The following ATP8B4 variants were observed in gnomAD, a reference collection of about 807,000 sequenced individuals.
The protein encoded by ATP8B4 is probable phospholipid-transporting ATPase IM.
In ATP8B4, 133 loss-of-function variants were observed where a neutral mutation model predicts 145.6. The ratio of observed to expected loss-of-function variants is 0.91; its 90% CI spans 0.79 to 1.05. The LOEUF is 1.05. ATP8B4 is among the 50% of genes least tolerant of loss of function. The probability of loss-of-function intolerance (pLI) is 0.00; values close to 1 mark genes in which losing one functional copy is unlikely to be tolerated. For synonymous variants in ATP8B4, 507 were observed against 492.9 expected (o/e 1.03, Z -0.38); for missense variants, 1,458 against 1,425.2 (o/e 1.02, Z -0.37).
intron 3 of ATP8B4, among the ~76,000 whole-genome samples, chr15:50,062,756 CTCATA>C (rs1353653778): frequency 1.3e-5 from 2 of 152,068 alleles, no homozygotes; most frequent in African/African-American, 4.8e-5. Flanking sequence ...TATTAATTTT[CTCATA>C]TCAGAGTACA....
upstream of ATP8B4, among the ~76,000 whole-genome samples, chr15:50,121,080 CAGA>C (rs2057265334): frequency 6.6e-6 from 1 of 152,082 alleles, no homozygotes. Context: ...GATCAAGTTG[CAGA>C]AGAATTGTGT....
chr15:50,129,283 A>G (rs543235101), intron 1 of ATP8B4, among the ~76,000 whole-genome samples: 1 of 152,292 alleles, frequency 6.6e-6, no homozygotes, highest in East Asian at 1.9e-4. Flanking sequence ...GGGTGGCTTA[A>G]AACAAGGGAA....
Position 50,030,513 on chromosome 15 carries a change from G to A in ATP8B4, c.362+8255C>T, listed in dbSNP as rs1347134075. Among the ~76,000 whole-genome samples, 7 of 152,086 alleles carry A rather than the reference G, an allele frequency of 4.6e-5. 1 individual carries two copies. The highest frequency in any genetic ancestry group is 4.6e-4 in the Admixed American group (7 of 15,268). On this transcript the variant is annotated intron_variant, in intron 6 of 27. Coordinates refer to ENST00000284509, the MANE Select transcript of ATP8B4 (RefSeq NM_024837.4). ...CCAGCTACACTGAGCACAGAATGGG[G>A]GAAGGAGACATTAAAAAGGCCAAAA... is the stretch of plus-strand genomic sequence containing the variant.
intron 2 of ATP8B4, among the ~76,000 whole-genome samples, chr15:50,080,938 C>A (rs2054508835): frequency 6.6e-6 from 1 of 151,884 alleles, no homozygotes; most frequent in Admixed American, 6.6e-5. Flanking sequence ...ATGGTGAAAC[C>A]CCATCTCTAC....
intron 9 of ATP8B4, among the ~76,000 whole-genome samples, 174 bp from the exon 10 acceptor site, chr15:49,987,723 A>C (rs537680321): frequency 6.6e-6 from 1 of 152,294 alleles, no homozygotes; most frequent in East Asian, 1.9e-4. Context: ...AAAGCCATCA[A>C]CTATTTTGAA....
chr15:50,111,604 T>C (rs575898038), intron 1 of ATP8B4, among the ~76,000 whole-genome samples: 94 of 152,258 alleles, frequency 6.2e-4, no homozygotes, highest in African/African-American at 2.0e-3. Context: ...CAGGACATGG[T>C]AGAAGCCTGT....
At chr15:50,087,159 A>T (rs1233624264) in intron 2 of ATP8B4, among the ~76,000 whole-genome samples, 1 of 127,842 alleles carries the variant, frequency 7.8e-6, no homozygotes, top group Non-Finnish European at 1.6e-5. Flanking sequence ...TATAATATAT[A>T]GATCTCTATT....
At chr15:49,936,741 T>G (rs1244712862) in intron 14 of ATP8B4, among the ~76,000 whole-genome samples, 2 of 152,044 alleles carry the variant, frequency 1.3e-5, no homozygotes, top group Admixed American at 6.5e-5. Flanking sequence ...GTTGTTTGTT[T>G]GTTTGTTTTT....
chr15:50,091,739 A>C (rs2055624752), intron 2 of ATP8B4, among the ~76,000 whole-genome samples: 1 of 152,082 alleles, frequency 6.6e-6, no homozygotes, highest in Non-Finnish European at 1.5e-5. Context: ...CATCTTCCTG[A>C]TGTATTCAAA....
intron 14 of ATP8B4, among the ~76,000 whole-genome samples, chr15:49,950,619 C>CA (rs748025885): frequency 1.0e-3 from 111 of 109,958 alleles, no homozygotes; most frequent in East Asian, 6.6e-3. Flanking sequence ...AACAAACAAA[C>CA]AAAAAAAACA....
chr15:50,121,866 C>A (rs1335216815), upstream of ATP8B4, among the ~76,000 whole-genome samples: 3 of 152,088 alleles, frequency 2.0e-5, no homozygotes, highest in African/African-American at 7.2e-5. Context: ...AGGATCATCT[C>A]AACTTGTCCT....
chr15:50,059,583 C>T (rs2052856274), intron 3 of ATP8B4, among the ~76,000 whole-genome samples: 2 of 152,172 alleles, frequency 1.3e-5, no homozygotes, highest in Non-Finnish European at 1.5e-5. Flanking sequence ...GTTCCTGAAC[C>T]TCCTCCACCA....
intron 14 of ATP8B4, among the ~76,000 whole-genome samples, chr15:49,950,606 ACAAACAAAC>A (rs1567059412): frequency 9.3e-5 from 10 of 106,968 alleles, no homozygotes; most frequent in African/African-American, 1.0e-4. Flanking sequence ...AAAAAAACAA[ACAAACAAAC>A]AAACAAAAAA....
At chr15:50,078,069 G>T (rs570243233) in intron 2 of ATP8B4, among the ~76,000 whole-genome samples, 14 of 152,084 alleles carry the variant, frequency 9.2e-5, no homozygotes, top group Non-Finnish European at 1.5e-4. Context: ...GGATCCAACA[G>T]GAAGAAATAA....
intron 20 of ATP8B4, among the ~76,000 whole-genome samples, chr15:49,911,436 A>G (rs955514685): frequency 6.6e-6 from 1 of 152,146 alleles, no homozygotes; most frequent in African/African-American, 2.4e-5. Context: ...TTATCATTTT[A>G]TAATGATAAA....
chr15:50,132,317 T>G (rs563667067), intron 1 of ATP8B4, among the ~76,000 whole-genome samples: 1 of 152,170 alleles, frequency 6.6e-6, no homozygotes, highest in Non-Finnish European at 1.5e-5. Flanking sequence ...GAACAGACGC[T>G]TCTCAAAAGA....
intron 2 of ATP8B4, among the ~76,000 whole-genome samples, chr15:50,096,666 G>T (rs1169412168): frequency 1.3e-5 from 2 of 152,246 alleles, no homozygotes; most frequent in African/African-American, 4.8e-5. Context: ...ATGAACCTAT[G>T]AATGGAAGGT....
chr15:49,990,337 G>A (rs149967283), intron 9 of ATP8B4, among the ~76,000 whole-genome samples: 118 of 152,194 alleles, frequency 7.8e-4, no homozygotes, highest in African/African-American at 2.7e-3. Flanking sequence ...GGAAAAAATC[G>A]CATCATTTCT....
chr15:49,964,967 G>C (rs2044395519), intron 13 of ATP8B4, among the ~76,000 whole-genome samples: 1 of 152,206 alleles, frequency 6.6e-6, no homozygotes, highest in African/African-American at 2.4e-5. Context: ...TTTAAACTAT[G>C]TTTTGGGTTA....
Sources: allele counts gnomAD v4.1 joint callset (sites outside exome capture counted in the v4.1 genomes callset), GRCh38; gene constraint gnomAD v4.1.1; transcripts MANE v1.5; gene names NCBI Gene and HGNC (gene_info 2026-07-23, HGNC 2026-07-21).